CEP128: variants seen among roughly 807,000 people sequenced by gnomAD.
The protein encoded by CEP128 is centrosomal protein 128kDa.
CEP128 carries 132 observed loss-of-function variants against 156.7 expected under a neutral mutation model. The observed-to-expected ratio is 0.84, with a 90% CI of 0.73 to 0.97. The LOEUF is 0.97. CEP128 is among the 50% of genes least tolerant of loss of function. CEP128 has a pLI of 0.00. For synonymous variants in CEP128, 469 were observed against 448.9 expected (o/e 1.04, Z -0.57); for missense variants, 1,252 against 1,281.9 (o/e 0.98, Z 0.36).
chr14:80,641,445 G>A (rs1566828237), intron 19 of CEP128, among the ~76,000 whole-genome samples: 1 of 152,122 alleles, frequency 6.6e-6, no homozygotes, highest in Non-Finnish European at 1.5e-5. Context: ...AGTTTCCCTG[G>A]TACCATATGC....
intron 13 of CEP128, among the ~76,000 whole-genome samples, chr14:80,802,250 C>T (rs565001421): frequency 8.5e-5 from 13 of 152,120 alleles, no homozygotes; most frequent in Middle Eastern, 3.4e-3. Context: ...ATGTTTATTG[C>T]GGCACTATTT....
intron 9 of CEP128, among the ~76,000 whole-genome samples, chr14:80,850,672 T>G (rs1432297800): frequency 6.6e-6 from 1 of 152,144 alleles, no homozygotes. Context: ...TTCCATGAAA[T>G]GTCACTTTAT....
intron 16 of CEP128, among the ~76,000 whole-genome samples, chr14:80,764,347 A>C (rs1206037511): frequency 2.0e-5 from 3 of 151,032 alleles, no homozygotes; most frequent in Non-Finnish European, 3.0e-5. Flanking sequence ...AAATACAAAA[A>C]AATTAGCCGG....
At chr14:80,694,358 T>C (rs1033485415) in intron 19 of CEP128, among the ~76,000 whole-genome samples, 14 of 152,214 alleles carry the variant, frequency 9.2e-5, no homozygotes, top group Non-Finnish European at 1.9e-4. Flanking sequence ...CTCAAGGATC[T>C]AGAACCAGGA....
At chr14:80,536,529 C>T (rs1393571214) in intron 21 of CEP128, among the ~76,000 whole-genome samples, 1 of 152,168 alleles carries the variant, frequency 6.6e-6, no homozygotes. Context: ...AACAGATCCA[C>T]TGCAAAACTT....
intron 18 of CEP128, among the ~76,000 whole-genome samples, chr14:80,745,638 C>T: frequency 6.6e-6 from 1 of 152,032 alleles, no homozygotes; most frequent in Non-Finnish European, 1.5e-5. Context: ...GGAAAACCCA[C>T]AACTATTATC....
Position 80,613,287 on chromosome 14 carries a change from A to G in CEP128, c.2807-32864T>C, listed in dbSNP as rs917512958. 7.5e-4 allele frequency among the ~76,000 whole-genome samples: 106 copies of G among 140,576 alleles called. 1 individual carries two copies. Among genetic ancestry groups the G allele is most frequent in the African/African-American group, 2.5e-3 (97 of 38,590 alleles). The allele number at this position is 140,576 out of a possible 152,430, so 92.2% of individuals were successfully genotyped here. On this transcript the variant is annotated intron_variant, in intron 19 of 24. Transcript: ENST00000555265. ...CGTCCGCTCAAAACTCAAACAATGG[A>G]GAGCATTTTTTTTTTTTTTTTTTTT...
chr14:80,576,741 A>T lies in CEP128; in HGVS notation c.2856+3633T>A, dbSNP rs115107401. Among the ~76,000 whole-genome samples, 369 of 152,258 alleles carry T rather than the reference A, an allele frequency of 2.4e-3. 1 individual carries two copies. The highest frequency in any genetic ancestry group is 8.3e-3 in the African/African-American group (347 of 41,558). On this transcript the variant is annotated intron_variant, in intron 20 of 24. Transcript: ENST00000555265. ...TTAAACAAAAAATGAACTCTAGGAC[A>T]GGACAGGGATTGGTGTTGTTTTTTA...
chr14:80,488,587 G>T (rs967375178), downstream of CEP128, among the ~76,000 whole-genome samples: 10 of 151,874 alleles, frequency 6.6e-5, no homozygotes, highest in Non-Finnish European at 1.0e-4. Flanking sequence ...GATTCCTCAG[G>T]GATCTAGAAC....
intron 19 of CEP128, among the ~76,000 whole-genome samples, chr14:80,647,171 G>C (rs1043381000): frequency 6.8e-6 from 1 of 147,372 alleles, no homozygotes; most frequent in Non-Finnish European, 1.5e-5. Flanking sequence ...ACACTGTATG[G>C]AATGCTTAAG....
chr14:80,537,187 G>C (rs1024465833), intron 21 of CEP128, among the ~76,000 whole-genome samples: 3 of 151,960 alleles, frequency 2.0e-5, no homozygotes, highest in Non-Finnish European at 2.9e-5. Context: ...TTTTTTAAGA[G>C]AGGAACTATA....
intron 9 of CEP128, among the ~76,000 whole-genome samples, chr14:80,859,262 T>C (rs1304304684): frequency 3.3e-5 from 5 of 149,298 alleles, no homozygotes; most frequent in East Asian, 4.0e-4. Context: ...ATGGATGAAA[T>C]TGGAAATCAT....
At chr14:80,563,625 T>C (rs566275910) in intron 20 of CEP128, among the ~76,000 whole-genome samples, 1 of 145,864 alleles carries the variant, frequency 6.9e-6, no homozygotes, top group East Asian at 2.1e-4. Context: ...CCTCCACCTC[T>C]TGGATTTAAG....
At chr14:80,930,646 T>C (rs763766417) in intron 2 of CEP128, among the ~76,000 whole-genome samples, 6 of 152,196 alleles carry the variant, frequency 3.9e-5, no homozygotes, top group Non-Finnish European at 7.3e-5. Flanking sequence ...AGCTATGCAA[T>C]AAAGCCACGA....
At chr14:80,547,781 C>T (rs1326989451) in intron 21 of CEP128, among the ~76,000 whole-genome samples, 1 of 150,996 alleles carries the variant, frequency 6.6e-6, no homozygotes, top group Non-Finnish European at 1.5e-5. Context: ...TAGACAAAAG[C>T]CTACAAGGGA....
At chr14:80,804,852 T>C (rs1884083290) in intron 13 of CEP128, among the ~76,000 whole-genome samples, 1 of 152,112 alleles carries the variant, frequency 6.6e-6, no homozygotes, top group South Asian at 2.1e-4. Context: ...ACATTACTGA[T>C]GTGTGTATAT....
At chr14:80,521,323 A>C (rs544191049) in intron 23 of CEP128, among the ~76,000 whole-genome samples, 136 of 152,250 alleles carry the variant, frequency 8.9e-4, no homozygotes, top group African/African-American at 3.1e-3. Context: ...TAATATTCTT[A>C]TTGAGTAAAT....
chr14:80,623,466 AAAAT>A (rs1225067504), intron 19 of CEP128, among the ~76,000 whole-genome samples: 119 of 151,904 alleles, frequency 7.8e-4, no homozygotes, highest in African/African-American at 2.5e-3. Flanking sequence ...TAATAATAAT[AAAAT>A]AAATAAATAA....
At chr14:80,579,409 C>G (rs1461094476) in intron 20 of CEP128, among the ~76,000 whole-genome samples, 1 of 151,926 alleles carries the variant, frequency 6.6e-6, no homozygotes, top group Non-Finnish European at 1.5e-5. Flanking sequence ...TAACATGTAC[C>G]ACTTTTACTG....
Sources: gnomAD v4.1 joint callset for allele counts (sites outside exome capture counted in the v4.1 genomes callset) on GRCh38, gnomAD v4.1.1 for gene constraint, MANE v1.5 for transcripts, NCBI Gene and HGNC (gene_info 2026-07-23, HGNC 2026-07-21) for gene names.